The following NLRC5 variants were observed in gnomAD, a reference collection of about 807,000 sequenced individuals.
NLRC5 encodes NLR family CARD domain containing 5.
NLRC5 carries 114 observed loss-of-function variants against 206.9 expected under a neutral mutation model. The observed-to-expected ratio is 0.55, with a 90% CI of 0.47 to 0.64. The LOEUF (loss-of-function observed/expected upper bound fraction) is 0.64. Among genes scored for constraint, NLRC5 ranks in the 30% least tolerant of loss-of-function variants. NLRC5 has a pLI of 0.00. For synonymous variants in NLRC5, 952 were observed against 962.8 expected (o/e 0.99, Z 0.21); for missense variants, 2,008 against 2,305.5 (o/e 0.87, Z 2.64).
In NLRC5 at chr16:57,078,018, A is replaced by T; in HGVS notation, c.5079A>T (p.Leu1693=). Residue 1693 remains leucine, a splice_region_variant and synonymous_variant, in exon 43 of 49, where the codon CTA becomes CTT. Transcript: ENST00000688547. ...AQELPQHLRV[L]HLPFSHLGPG... ...AGCTGCCCCAGCACCTGAGGGTCCT[A>T]CAGTGAGTGGCCCCCTGCCCATACC... is the stretch of plus-strand genomic sequence containing the variant. 6.3e-7 allele frequency: 1 copy of T among 1,596,274 alleles called. No individual in the cohort carries two copies. Among genetic ancestry groups the T allele is most frequent in the African/African-American group, 1.3e-5 (1 of 74,748 alleles).
In NLRC5 at chr16:57,021,121, T is replaced by C. The variant is rs999678985; in HGVS notation, c.295+114T>C. ...GAGAGAGGGTGTAGCCCAGCCACGA[T>C]CTCAACTCTATATTTCTGGACACTT... On this transcript the variant is annotated intron_variant, in intron 3 of 48. Transcript: ENST00000688547. 117 of 893,634 alleles carry C rather than the reference T, an allele frequency of 1.3e-4. 1 individual carries two copies. In the East Asian group the frequency reaches 2.9e-3, roughly 22 times the overall value. 55.4% of individuals were successfully genotyped at this position (893,634 alleles called of 1,614,324 possible). A position where few individuals can be genotyped will look rare whatever the true frequency, so the allele number is the denominator to read the frequency against.
intron 13 of NLRC5, 66 bp from the exon 14 acceptor site, chr16:57,036,034 G>A (rs1332288245): frequency 7.6e-6 from 11 of 1,442,232 alleles, no homozygotes; most frequent in South Asian, 1.1e-5. Context: ...CAAAGGAGGA[G>A]TAAGTGATGG....
chr16:57,057,917 C>A (rs78300789), intron 27 of NLRC5, 148 bp from the exon 28 acceptor site: 1 of 676,448 alleles, frequency 1.5e-6, no homozygotes, highest in Non-Finnish European at 2.7e-6. Flanking sequence ...GGTGGTGATA[C>A]TGGTGATGGT....
chr16:57,082,118 A>G (rs544115545), intron 48 of NLRC5, among the ~76,000 whole-genome samples: 2 of 152,392 alleles, frequency 1.3e-5, no homozygotes. Context: ...AATTTCAGAC[A>G]GATGGAAGTA....
At chr16:57,007,615 A>T (rs542484178) in intron 1 of NLRC5, among the ~76,000 whole-genome samples, 2 of 152,080 alleles carry the variant, frequency 1.3e-5, no homozygotes, top group East Asian at 3.9e-4. Flanking sequence ...CTGTAATCCC[A>T]GCTATTGGGA....
chr16:57,003,861 G>A (rs1254487036), intron 1 of NLRC5: 3 of 152,138 alleles, frequency 2.0e-5, no homozygotes. Flanking sequence ...TTACAGATGA[G>A]GACGCTGAGG....
intron 4 of NLRC5, 152 bp downstream of exon 4, chr16:57,022,467 G>A: frequency 4.7e-6 from 3 of 642,960 alleles, no homozygotes; most frequent in Non-Finnish European, 8.2e-6. Context: ...ATTTGCAAGT[G>A]TGTCAAGCCC....
intron 6 of NLRC5, 77 bp from the exon 7 acceptor site, chr16:57,027,995 C>A: frequency 2.1e-6 from 2 of 944,792 alleles, no homozygotes. Context: ...TAAGCCCCAT[C>A]TCTCTGAGGG....
intron 45 of NLRC5, 61 bp from the exon 46 acceptor site, chr16:57,079,485 C>T (rs535143434): frequency 4.7e-6 from 7 of 1,474,302 alleles, no homozygotes; most frequent in African/African-American, 1.4e-5. Flanking sequence ...GGAGGCAGGA[C>T]CTGCTAGATC....
intron 1 of NLRC5, among the ~76,000 whole-genome samples, chr16:56,996,913 A>T (rs2057681917): frequency 6.6e-6 from 1 of 152,192 alleles, no homozygotes; most frequent in African/African-American, 2.4e-5. Flanking sequence ...TCTGTTGCCC[A>T]CACTGGAGTG....
chr16:57,019,507 A>C (rs569388662), intron 2 of NLRC5, among the ~76,000 whole-genome samples: 1 of 152,244 alleles, frequency 6.6e-6, no homozygotes. Flanking sequence ...GCACTAAACA[A>C]CAGTGGCTTA....
intron 6 of NLRC5, 32 bp from the exon 7 acceptor site, chr16:57,028,040 A>G: frequency 1.9e-6 from 3 of 1,558,182 alleles, no homozygotes; most frequent in Non-Finnish European, 2.6e-6. Flanking sequence ...CCCAGCACTG[A>G]TCCTCTGACA....
chr16:57,062,156 C>G (rs2066595465), intron 32 of NLRC5: 11 of 789,612 alleles, frequency 1.4e-5, no homozygotes, highest in Non-Finnish European at 2.1e-5. Context: ...ATTTTTATTT[C>G]AGCTGAAGCG....
At chr16:57,043,937 A>C in intron 20 of NLRC5, 1 of 336,124 alleles carries the variant, frequency 3.0e-6, no homozygotes, top group Non-Finnish European at 5.6e-6. Context: ...TCTAGGGTAC[A>C]TGTGCACAAC....
chr16:57,077,886 G>A (rs1237443713), intron 42 of NLRC5, 57 bp from the exon 43 acceptor site: 1 of 1,607,316 alleles, frequency 6.2e-7, no homozygotes, highest in Non-Finnish European at 8.5e-7. Context: ...ACAGGGCAGG[G>A]CGGGGGTCCC....
chr16:57,001,822 C>T (rs879665370), intron 1 of NLRC5, among the ~76,000 whole-genome samples: 1 of 152,164 alleles, frequency 6.6e-6, no homozygotes, highest in Non-Finnish European at 1.5e-5. Flanking sequence ...CCCTCTTGTG[C>T]TATTGAATAC....
At chr16:57,040,304 G>A (rs2063123148) in intron 16 of NLRC5, among the ~76,000 whole-genome samples, 1 of 152,188 alleles carries the variant, frequency 6.6e-6, no homozygotes, top group Non-Finnish European at 1.5e-5. Flanking sequence ...AATCTCTTCT[G>A]TAGAGTCTGG....
chr16:57,066,287 A>G (rs1352913974), intron 33 of NLRC5, among the ~76,000 whole-genome samples: 7 of 151,972 alleles, frequency 4.6e-5, no homozygotes, highest in Non-Finnish European at 8.8e-5. Flanking sequence ...CCTGGGCTAC[A>G]GAGCAAGACC....
intron 43 of NLRC5, 84 bp downstream of exon 43, chr16:57,078,104 G>A: frequency 8.7e-7 from 1 of 1,153,610 alleles, no homozygotes; most frequent in Non-Finnish European, 1.2e-6. Context: ...GCCCCCATCA[G>A]TTGAGCTGCC....
Sources: gnomAD v4.1 joint callset for allele counts (sites outside exome capture counted in the v4.1 genomes callset) on GRCh38, gnomAD v4.1.1 for gene constraint, MANE v1.5 for transcripts, NCBI Gene and HGNC (gene_info 2026-07-23, HGNC 2026-07-21) for gene names.